The following ZXDC variants were observed in gnomAD, a reference collection of about 807,000 sequenced individuals.
The protein encoded by ZXDC is zinc finger protein ZXDC.
Under a neutral mutation model 63.6 loss-of-function variants are expected in ZXDC, and 58 were observed. The observed-to-expected ratio is 0.91, with a 90% CI of 0.74 to 1.13. The LOEUF (loss-of-function observed/expected upper bound fraction) is 1.13, where lower values mean the gene tolerates loss of function less well. Among genes scored for constraint, ZXDC ranks in the 50% most tolerant of loss-of-function variants. The pLI is 0.00. For synonymous variants in ZXDC, 561 were observed against 496.1 expected (o/e 1.13, Z -1.74); for missense variants, 1,133 against 1,148.9 (o/e 0.99, Z 0.20).
chr3:126,475,511 G>A lies in ZXDC; in HGVS notation c.355C>T (p.Pro119Ser), dbSNP rs758986624. Residue 119 changes from proline (P) to serine (S), a missense_variant, in exon 1 of 10, where the codon CCC becomes TCC. Pro to Ser is a moderately conservative substitution (Grantham distance 74). Coordinates refer to ENST00000389709, the MANE Select transcript of ZXDC (RefSeq NM_025112.5). ...CCCGCCGGGGCTACGCCAGGGCCGGGGGGGGCGGCCGGGCCGCTGGGGCCC... is the reference window on the plus strand; with the variant it reads ...CCCGCCGGGGCTACGCCAGGGCCGGAGGGGGCGGCCGGGCCGCTGGGGCCC... The part of the protein sequence containing the change: ...EQGPSGPAAP[P>S]GPGVAPAGAV... The A allele has an allele frequency of 8.0e-6, 10 of 1,246,202 alleles. No individual in the cohort carries two copies. Among genetic ancestry groups the A allele is most frequent in the Non-Finnish European group, 8.0e-6 (8 of 997,976 alleles). The allele number at this position is 1,246,202 out of a possible 1,614,324, so 77.2% of individuals were successfully genotyped here.
In ZXDC at chr3:126,466,237, G is replaced by A; in HGVS notation, c.1359C>T (p.Cys453=). 6.2e-7 allele frequency: 1 copy of A among 1,614,216 alleles called. No homozygotes were observed. Among genetic ancestry groups the A allele is most frequent in the Non-Finnish European group, 8.5e-7 (1 of 1,180,044 alleles). ...AGAGTCTGTTGCAGGTAGAAACTGG[G>A]CAACGGCTTTTCGGAGCACCCACAT... ...VQDVGAPKSR[C]PVSTCNRLFT... is the part of the protein sequence containing the mutation. The change falls in exon 5 of 10, where the codon TGC becomes TGT. Residue 453 remains cysteine (C), a synonymous_variant. Transcript: ENST00000389709.
chr3:126,452,099 C>A, intron 7 of ZXDC: 1 of 985,436 alleles, frequency 1.0e-6, no homozygotes, highest in African/African-American at 1.7e-5. Context: ...TTTCCACACG[C>A]AAAGATGACC....
Position 126,440,384 on chromosome 3 carries a change from C to T in ZXDC, c.2395-657G>A, listed in dbSNP as rs376243969. The T allele has an allele frequency of 8.1e-6, 8 of 985,510 alleles. No homozygotes were observed. The East Asian group carries it at 9.1e-4, about 112-fold the overall frequency. 61.0% of individuals were successfully genotyped at this position (985,510 alleles called of 1,614,324 possible). On this transcript the variant is annotated intron_variant, in intron 8 of 9. Transcript: ENST00000389709. ...GTGTCAAGGTCTGCACTACTGTTCC[C>T]ATTTCATAGATGACAAAACTGAGGC...
rs777926218 is a variant in ZXDC at position 126,461,528 on chromosome 3, T to C, written c.2127+7A>G. On this transcript the variant is annotated splice_region_variant and intron_variant, in intron 6 of 9. Coordinates refer to ENST00000389709, the MANE Select transcript of ZXDC (RefSeq NM_025112.5). ...ATATGGTGGTGACTGAATAGAGTGC[T>C]TCATACCAAATAGAAGTTGCCAGTG... 2 of 1,603,908 alleles carry C rather than the reference T, an allele frequency of 1.2e-6. No homozygotes were observed. The highest frequency in any genetic ancestry group is 3.4e-5 in the Admixed American group (2 of 59,392).
At chr3:126,454,422 T>C (rs1238510962) in intron 7 of ZXDC, 4 of 985,346 alleles carry the variant, frequency 4.1e-6, no homozygotes, top group Non-Finnish European at 4.8e-6. Flanking sequence ...TTTGTCCCCA[T>C]GCTTTTTCCT....
chr3:126,474,628 T>TGAGGAAAATAAA lies in ZXDC; in HGVS notation c.907+319_907+330dup, dbSNP rs568226409. ...GCACCCCGTAAACAAATGACGAGAC[T>TGAGGAAAATAAA]GAGGAAAATAAAGACCTGACACATA... is the stretch of plus-strand genomic sequence containing the variant. On this transcript the variant is annotated intron_variant, in intron 1 of 9. Coordinates refer to ENST00000389709, the MANE Select transcript of ZXDC (RefSeq NM_025112.5). Among the ~76,000 whole-genome samples the TGAGGAAAATAAA allele has an allele frequency of 1.9e-3, 286 of 152,290 alleles. 1 individual carries two copies. The highest frequency in any genetic ancestry group is 3.1e-3 in the Non-Finnish European group (210 of 68,014).
At chr3:126,457,937 T>C (rs1005284678) in intron 7 of ZXDC, among the ~76,000 whole-genome samples, 1 of 152,326 alleles carries the variant, frequency 6.6e-6, no homozygotes, top group East Asian at 1.9e-4. Context: ...AAAACAGTGA[T>C]GTGATCATTA....
At chr3:126,459,253 G>A in intron 7 of ZXDC, 1 of 985,416 alleles carries the variant, frequency 1.0e-6, no homozygotes, top group Non-Finnish European at 1.2e-6. Flanking sequence ...TTGGCTCCAT[G>A]TACACGTACC....
rs1935172874 is a variant in ZXDC, at chr3:126,475,518, G to A, written c.348C>T (p.Ala116=). Residue 116 remains alanine, a synonymous_variant, in exon 1 of 10, where the codon GCC becomes GCT. Coordinates refer to ENST00000389709, the MANE Select transcript of ZXDC (RefSeq NM_025112.5). ...SRPEQGPSGP[A]APPGPGVAPA... is the part of the protein sequence containing the mutation. ...GGGCTACGCCAGGGCCGGGGGGGGC[G>A]GCCGGGCCGCTGGGGCCCTGCTCGG... 1 of 1,252,228 alleles carries A rather than the reference G, an allele frequency of 8.0e-7. No homozygotes were observed. The highest frequency in any genetic ancestry group is 1.0e-6 in the Non-Finnish European group (1 of 1,001,016). 77.6% of individuals were successfully genotyped at this position (1,252,228 alleles called of 1,614,324 possible).
At chr3:126,439,862 G>A (rs2306958) in intron 8 of ZXDC, 135 bp from the exon 9 acceptor site, 19,883 of 1,441,290 alleles carry the variant, frequency 0.014, 864 homozygotes, top group South Asian at 0.13. Context: ...AGGGAGGCCC[G>A]AGGACCCAGC....
At chr3:126,453,330 C>T (rs548160220) in intron 7 of ZXDC, 1 of 985,210 alleles carries the variant, frequency 1.0e-6, no homozygotes, top group African/African-American at 1.7e-5. Context: ...GGCCATATCC[C>T]CTTAAGGATA....
intron 7 of ZXDC, chr3:126,454,244 A>T (rs2107639739): frequency 1.0e-6 from 1 of 984,812 alleles, no homozygotes; most frequent in South Asian, 4.7e-5. Flanking sequence ...TGAACTAATC[A>T]CTTTCAAACT....
Position 126,461,965 on chromosome 3 carries a change from A to C in ZXDC, c.1697T>G (p.Leu566Arg). Residue 566 changes from leucine (L) to arginine (R), a missense_variant, in exon 6 of 10, where the codon CTG becomes CGG. By Grantham distance (102) the Leu-to-Arg change is moderately radical. Transcript: ENST00000389709. ...NNSSLGPMEP[L>R]VLVAHSDIPP... ...AATATCACTGTGGGCCACCAGGACC[A>C]GGGGTTCCATCGGCCCTAGGGAGCT... 1.2e-6 allele frequency: 2 copies of C among 1,614,158 alleles called. No individual in the cohort carries two copies. Among genetic ancestry groups the C allele is most frequent in the Non-Finnish European group, 8.5e-7 (1 of 1,180,038 alleles).
At chr3:126,445,023 C>G (rs972226528) in intron 7 of ZXDC, among the ~76,000 whole-genome samples, 2 of 152,190 alleles carry the variant, frequency 1.3e-5, no homozygotes, top group East Asian at 3.8e-4. Context: ...GTTTCAACTT[C>G]TGTATCAGCA....
chr3:126,449,763 G>A (rs868780428), intron 7 of ZXDC, among the ~76,000 whole-genome samples: 6 of 152,222 alleles, frequency 3.9e-5, no homozygotes, highest in South Asian at 2.1e-4. Flanking sequence ...ACATAGGGAC[G>A]ACCGAAAGGG....
chr3:126,454,768 T>G (rs1934243507), intron 7 of ZXDC: 18 of 985,370 alleles, frequency 1.8e-5, no homozygotes, highest in Non-Finnish European at 2.2e-5. Context: ...GTTCTGAAGC[T>G]GTTCACGTTT....
At chr3:126,453,414 T>C in intron 7 of ZXDC, 1 of 985,484 alleles carries the variant, frequency 1.0e-6, no homozygotes, top group East Asian at 1.1e-4. Flanking sequence ...AAAATCTGGA[T>C]TTGACTCTGT....
chr3:126,450,754 A>C, intron 7 of ZXDC: 2 of 351,826 alleles, frequency 5.7e-6, no homozygotes, highest in South Asian at 4.2e-5. Context: ...GAAACAGATT[A>C]TAAAAATTAC....
chr3:126,475,786 G>A lies in ZXDC; in HGVS notation c.80C>T (p.Ala27Val), dbSNP rs996381448. 2.7e-6 allele frequency: 3 copies of A among 1,113,812 alleles called. No individual in the cohort carries two copies. Among genetic ancestry groups the A allele is most frequent in the Non-Finnish European group, 3.3e-6 (3 of 913,892 alleles). The allele number at this position is 1,113,812 out of a possible 1,614,324, so 69.0% of individuals were successfully genotyped here. ...HGGGPGPLRRAPAPLGASPAR... is the reference protein window; with the variant it reads ...HGGGPGPLRRVPAPLGASPAR... ...GGGGCTCGCGCCGAGCGGCGCTGGG[G>A]CTCGGCGGAGCGGGCCGGGGCCGCC... Residue 27 changes from alanine to valine, a missense_variant, in exon 1 of 10, where the codon GCC (alanine) becomes GTC (valine). Ala to Val is a moderately conservative substitution (Grantham distance 64). Transcript: ENST00000389709.
Sources: allele counts gnomAD v4.1 joint callset (sites outside exome capture counted in the v4.1 genomes callset), GRCh38; gene constraint gnomAD v4.1.1; transcripts MANE v1.5; gene names NCBI Gene and HGNC (gene_info 2026-07-23, HGNC 2026-07-21).